The following RIDA variants were observed in gnomAD, a reference collection of about 807,000 sequenced individuals.
RIDA encodes the protein reactive intermediate imine deaminase A, also known as 2-iminobutanoate/2-iminopropanoate deaminase.
A neutral mutation model predicts 17.8 loss-of-function variants in RIDA; 17 were observed. That is an observed-to-expected ratio of 0.96 (90% CI 0.65 to 1.43). The LOEUF (loss-of-function observed/expected upper bound fraction) is 1.43. RIDA is among the 40% of genes most tolerant of loss of function. The pLI is 0.00. For missense variants in RIDA, 158 were observed against 161.7 expected, an observed-to-expected ratio of 0.98 and a Z score of 0.12; for synonymous variants, 48 against 55.7, an observed-to-expected ratio of 0.86 and a Z score of 0.62.
At chr8:98,104,899 C>T (rs1815611729) in intron 4 of RIDA, among the ~76,000 whole-genome samples, 3 of 151,820 alleles carry the variant, frequency 2.0e-5, no homozygotes, top group African/African-American at 4.8e-5. Flanking sequence ...TTAGTAGAGT[C>T]GGGGCTTCAC....
At chr8:98,104,871 T>C (rs1815611417) in intron 4 of RIDA, among the ~76,000 whole-genome samples, 1 of 152,104 alleles carries the variant, frequency 6.6e-6, no homozygotes, top group Admixed American at 6.6e-5. Context: ...CCACCATGCC[T>C]GGCTCATTTT....
At chr8:98,104,379 G>T in intron 5 of RIDA, 110 bp downstream of exon 5, 1 of 794,688 alleles carries the variant, frequency 1.3e-6, no homozygotes, top group East Asian at 2.5e-5. Context: ...AAGCCACCCT[G>T]CCCAGGCTAC....
At chr8:98,116,699 G>A (rs1177385170) in intron 1 of RIDA, among the ~76,000 whole-genome samples, 1 of 146,276 alleles carries the variant, frequency 6.8e-6, no homozygotes, top group Non-Finnish European at 1.5e-5. Flanking sequence ...TACGGTACGT[G>A]AATTATATCT....
intron 1 of RIDA, among the ~76,000 whole-genome samples, chr8:98,111,628 A>G (rs1432923904): frequency 6.6e-6 from 1 of 151,890 alleles, no homozygotes; most frequent in Non-Finnish European, 1.5e-5. Context: ...AAAGAAGTGA[A>G]ATTTGTTTTA....
chr8:98,104,112 C>A (rs1815602586), intron 5 of RIDA, among the ~76,000 whole-genome samples: 1 of 143,928 alleles, frequency 6.9e-6, no homozygotes. Flanking sequence ...GAGACAAGGT[C>A]ACACTGTTAC....
intron 4 of RIDA, among the ~76,000 whole-genome samples, chr8:98,105,336 C>T (rs988065433): frequency 6.6e-6 from 1 of 151,984 alleles, no homozygotes; most frequent in African/African-American, 2.4e-5. Flanking sequence ...ATGCTTTTTC[C>T]AAGTTATACC....
At chr8:98,108,206 C>T (rs1023198095) in intron 2 of RIDA, among the ~76,000 whole-genome samples, 4 of 152,004 alleles carry the variant, frequency 2.6e-5, no homozygotes, top group South Asian at 2.1e-4. Context: ...TGAGCCACAT[C>T]GTGCCTGGCC....
chr8:98,109,747 C>G (rs976469626), intron 1 of RIDA, among the ~76,000 whole-genome samples: 1 of 152,082 alleles, frequency 6.6e-6, no homozygotes, highest in African/African-American at 2.4e-5. Context: ...AGGTGTGCAC[C>G]ACCATGCCTG....
intron 2 of RIDA, among the ~76,000 whole-genome samples, chr8:98,107,899 A>C (rs767378015): frequency 1.3e-4 from 20 of 152,110 alleles, no homozygotes; most frequent in Non-Finnish European, 2.2e-4. Flanking sequence ...CCTCCCGAGT[A>C]GCTGGGACTA....
intron 1 of RIDA, among the ~76,000 whole-genome samples, chr8:98,111,778 C>CT (rs1815730509): frequency 1.3e-5 from 2 of 151,856 alleles, no homozygotes; most frequent in Admixed American, 6.6e-5. Context: ...TTGACCACAT[C>CT]TTTTTTTTCC....
intron 2 of RIDA, among the ~76,000 whole-genome samples, chr8:98,108,378 G>A (rs369524257): frequency 1.7e-4 from 25 of 151,110 alleles, no homozygotes; most frequent in African/African-American, 4.1e-4. Flanking sequence ...ATGTGGAAGT[G>A]GCAACATGTC....
In RIDA at chr8:98,106,024, T is replaced by C. The variant is rs370829579; in HGVS notation, c.227-18A>G. 59 of 1,552,984 alleles carry C rather than the reference T, an allele frequency of 3.8e-5. No homozygotes were observed. The highest frequency in any genetic ancestry group is 1.8e-4 in the Admixed American group (11 of 59,840). On this transcript the variant is annotated intron_variant, in intron 3 of 5. Coordinates refer to ENST00000254878, the MANE Select transcript of RIDA (RefSeq NM_005836.3). ...TTTCACCACTAGAAGATATAAACAT[T>C]GTCATTAGGTTTAGTTATTTGGTCT...
intron 1 of RIDA, among the ~76,000 whole-genome samples, chr8:98,112,195 A>AACACACACACACACACACACACACACAC (rs56178607): frequency 1.8e-4 from 26 of 148,068 alleles, no homozygotes; most frequent in African/African-American, 6.3e-4. Context: ...AACTATACTA[A>AACACACACACACACACACACACACACAC]ACACACACAC....
chr8:98,106,351 T>C lies in RIDA; in HGVS notation c.172-25A>G, dbSNP rs550593864. The C allele has an allele frequency of 2.5e-6, 4 of 1,593,394 alleles. No individual in the cohort carries two copies. In the East Asian group the frequency reaches 8.9e-5, roughly 36 times the overall value. ...CCTGTGAACCAAGCCAAGAAAGGCC[T>C]AAGTCACTGATGTTAGATTTAAAGC... On this transcript the variant is annotated intron_variant, in intron 2 of 5. Coordinates refer to ENST00000254878, the MANE Select transcript of RIDA (RefSeq NM_005836.3).
At chr8:98,108,982 T>C (rs1314827057) in intron 1 of RIDA, among the ~76,000 whole-genome samples, 1 of 152,136 alleles carries the variant, frequency 6.6e-6, no homozygotes, top group Non-Finnish European at 1.5e-5. Context: ...GGAGGATCGC[T>C]TGGGACCAGG....
intron 5 of RIDA, among the ~76,000 whole-genome samples, chr8:98,103,764 G>T (rs1450578237): frequency 6.6e-6 from 1 of 151,800 alleles, no homozygotes; most frequent in African/African-American, 2.4e-5. Context: ...AGCCTCCCGA[G>T]TAGCTGGGAC....
intron 2 of RIDA, 105 bp downstream of exon 2, chr8:98,108,541 T>C: frequency 1.4e-6 from 1 of 739,012 alleles, no homozygotes. Flanking sequence ...AAAAAACATT[T>C]ATCTGTTAAT....
chr8:98,115,936 GCAAA>G (rs72366752), intron 1 of RIDA, among the ~76,000 whole-genome samples: 8,775 of 151,902 alleles, frequency 0.058, 833 homozygotes, highest in African/African-American at 0.2. Context: ...TACAGATTTG[GCAAA>G]CAAACAAACA....
At chr8:98,114,438 C>T (rs1815772205) in intron 1 of RIDA, among the ~76,000 whole-genome samples, 1 of 151,692 alleles carries the variant, frequency 6.6e-6, no homozygotes, top group Admixed American at 6.6e-5. Flanking sequence ...CAATTCACTG[C>T]CTCAGCCTCC....
Sources: gnomAD v4.1 joint callset for allele counts (sites outside exome capture counted in the v4.1 genomes callset) on GRCh38, gnomAD v4.1.1 for gene constraint, MANE v1.5 for transcripts, NCBI Gene and HGNC (gene_info 2026-07-23, HGNC 2026-07-21) for gene names.